G3BP2: variants seen among roughly 807,000 people sequenced by gnomAD.
G3BP2 encodes the protein ras GTPase-activating protein-binding protein 2.
A neutral mutation model predicts 56.7 loss-of-function variants in G3BP2; 11 were observed. The observed-to-expected ratio is 0.19, with a 90% CI of 0.12 to 0.32. The LOEUF (loss-of-function observed/expected upper bound fraction) is 0.32. Ranked by LOEUF, G3BP2 falls within the 10% of genes least tolerant of loss-of-function variation. The pLI is 1.00. For synonymous variants in G3BP2, 165 were observed against 191.6 expected (o/e 0.86, Z 1.15); for missense variants, 340 against 610.9 (o/e 0.56, Z 4.67).
At chr4:75,665,543 G>T (rs1374072516) in intron 1 of G3BP2, among the ~76,000 whole-genome samples, 3 of 151,934 alleles carry the variant, frequency 2.0e-5, no homozygotes, top group Non-Finnish European at 4.4e-5. Context: ...CTTAGGAGCT[G>T]AAGACCAGCC....
chr4:75,645,420 C>A lies in G3BP2; in HGVS notation c.*10G>T, dbSNP rs1731143869. 5 of 1,608,748 alleles carry A rather than the reference C, an allele frequency of 3.1e-6. No individual in the cohort carries two copies. The highest frequency in any genetic ancestry group is 3.4e-6 in the Non-Finnish European group (4 of 1,176,766). Reference sequence around the variant, plus strand: ...TGTACCACTGCCAAGACTTTGCCAACAGTGGAGCTTCAGCGACGCTGTCCT... The same window carrying A: ...TGTACCACTGCCAAGACTTTGCCAAAAGTGGAGCTTCAGCGACGCTGTCCT... On this transcript the variant is annotated 3_prime_UTR_variant, in exon 12 of 12. Transcript: ENST00000359707.
intron 1 of G3BP2, among the ~76,000 whole-genome samples, chr4:75,672,205 C>T (rs1409320968): frequency 1.3e-5 from 2 of 152,122 alleles, no homozygotes; most frequent in Non-Finnish European, 1.5e-5. Flanking sequence ...CTCCTCCCAC[C>T]CCCCAAATCC....
Position 75,672,904 on chromosome 4 carries a change from C to G in G3BP2, c.-25+304G>C, listed in dbSNP as rs546802438. On this transcript the variant is annotated intron_variant, in intron 1 of 11. Transcript: ENST00000359707. Reference sequence around the variant, plus strand: ...TCGGGAGCTGCTGCGTGCCTCCCCCCCCACTTCGCCACCTCATCCCCAATA... The same window carrying G: ...TCGGGAGCTGCTGCGTGCCTCCCCCGCCACTTCGCCACCTCATCCCCAATA... 3.4e-5 allele frequency: 22 copies of G among 649,392 alleles called. No individual in the cohort carries two copies. In the South Asian group the frequency reaches 6.1e-4, roughly 18 times the overall value. The allele number at this position is 649,392 out of a possible 1,614,324, so 40.2% of individuals were successfully genotyped here.
chr4:75,658,868 G>T lies in G3BP2; in HGVS notation c.152C>A (p.Pro51His). The T allele has an allele frequency of 6.2e-7, 1 of 1,612,124 alleles. No homozygotes were observed. The highest frequency in any genetic ancestry group is 8.5e-7 in the Non-Finnish European group (1 of 1,178,224). ...ATTTTGGCCATAAACAGCTTCCTGG[G>T]GCTTTCCACTAGCATCTACTCCACC... ...VHGGVDASGKPQEAVYGQNDI... is the reference protein window; with the variant it reads ...VHGGVDASGKHQEAVYGQNDI... Residue 51 changes from proline to histidine, a missense_variant, in exon 3 of 12, where the codon CCC (proline) becomes CAC (histidine). Physicochemically the swap from Pro to His is moderately conservative, Grantham distance 77 (BLOSUM62 -2). This residue lies in a region of G3BP2 where 21 missense variants were observed against 83.7 expected (regional missense o/e 0.25). Coordinates refer to ENST00000359707, the MANE Select transcript of G3BP2 (RefSeq NM_203505.3).
At chr4:75,687,847 T>C (rs572873900) in intron 3 of G3BP2, among the ~76,000 whole-genome samples, 16 of 152,344 alleles carry the variant, frequency 1.1e-4, no homozygotes, top group African/African-American at 3.6e-4. Flanking sequence ...TGGCCTGTCC[T>C]GTGGAACATG....
intron 1 of G3BP2, among the ~76,000 whole-genome samples, chr4:75,671,084 G>C (rs1245009674): frequency 1.3e-5 from 2 of 152,164 alleles, no homozygotes; most frequent in Non-Finnish European, 2.9e-5. Flanking sequence ...TATTGCTTCT[G>C]AAGGTAGGCC....
At position 75,659,768 on chromosome 4, in the gene G3BP2, A is replaced by G. The variant is rs190710086; in HGVS notation, c.96-844T>C. On this transcript the variant is annotated intron_variant, in intron 2 of 11. Transcript: ENST00000359707. ...GTTAAATTAACTCCCCTAAGGTAAT[A>G]TACCTATCAAGTGGGGCACCCAAGA... 4.6e-5 allele frequency among the ~76,000 whole-genome samples: 7 copies of G among 152,336 alleles called. No homozygotes were observed. In the East Asian group the frequency reaches 1.3e-3, roughly 29 times the overall value.
At chr4:75,687,998 C>G (rs1319849159) in intron 3 of G3BP2, among the ~76,000 whole-genome samples, 3 of 152,198 alleles carry the variant, frequency 2.0e-5, no homozygotes, top group Non-Finnish European at 4.4e-5. Flanking sequence ...GCCCAGCCTG[C>G]TGCCACTGGG....
rs1733652951 is a variant in G3BP2, at chr4:75,673,248, A to G, written c.-65T>C. On this transcript the variant is annotated 5_prime_UTR_variant, in exon 1 of 12. Transcript: ENST00000359707. ...GCGGCGGGTACGTCGCGCGGAGGTC[A>G]GAAGAGTCGCTGAGGACCGGGTGCG... 5 of 1,220,724 alleles carry G rather than the reference A, an allele frequency of 4.1e-6. No individual in the cohort carries two copies. Among genetic ancestry groups the G allele is most frequent in the East Asian group, 3.2e-5 (1 of 30,964 alleles). 75.6% of individuals were successfully genotyped at this position (1,220,724 alleles called of 1,614,324 possible).
At chr4:75,709,989 T>G (rs2149107572) in intron 3 of G3BP2, among the ~76,000 whole-genome samples, 2 of 152,270 alleles carry the variant, frequency 1.3e-5, no homozygotes, top group Middle Eastern at 6.8e-3. Context: ...TAGACTAAGG[T>G]CAGCTAATTC....
chr4:75,697,140 A>G (rs1404863710), intron 3 of G3BP2, among the ~76,000 whole-genome samples: 1 of 151,740 alleles, frequency 6.6e-6, no homozygotes, highest in Non-Finnish European at 1.5e-5. Context: ...TGGGCTGGGT[A>G]GCGCGTGCCT....
chr4:75,662,054 G>C lies in G3BP2; in HGVS notation c.-24-5C>G, dbSNP rs1732607999. The C allele has an allele frequency of 1.4e-6, 2 of 1,439,260 alleles. No homozygotes were observed. Among genetic ancestry groups the C allele is most frequent in the Non-Finnish European group, 1.9e-6 (2 of 1,029,990 alleles). The allele number at this position is 1,439,260 out of a possible 1,614,324, so 89.2% of individuals were successfully genotyped here. A position where few individuals can be genotyped will look rare whatever the true frequency, so the allele number is the denominator to read the frequency against. On this transcript the variant is annotated splice_region_variant and splice_polypyrimidine_tract_variant and intron_variant, in intron 1 of 11. Coordinates refer to ENST00000359707, the MANE Select transcript of G3BP2 (RefSeq NM_203505.3). ...TTTGCTGCACAATGTCAAATGCTGA[G>C]GGAGCAAACACAAGAATAACTATTA...
At chr4:75,660,693 C>A (rs947813920) in intron 2 of G3BP2, among the ~76,000 whole-genome samples, 2 of 152,114 alleles carry the variant, frequency 1.3e-5, no homozygotes, top group African/African-American at 4.8e-5. Context: ...ATTAAGATGA[C>A]CTACAGATAA....
intron 9 of G3BP2, among the ~76,000 whole-genome samples, chr4:75,647,561 C>T (rs1731324050): frequency 6.6e-6 from 1 of 152,260 alleles, no homozygotes; most frequent in South Asian, 2.1e-4. Context: ...TTACAGCAAT[C>T]AGTAAATTTT....
intron 3 of G3BP2, among the ~76,000 whole-genome samples, chr4:75,711,056 A>G (rs908060952): frequency 1.3e-5 from 2 of 152,136 alleles, no homozygotes; most frequent in Non-Finnish European, 2.9e-5. Context: ...GCAGTGGCTC[A>G]CGCCTGTAAT....
chr4:75,706,505 C>T (rs1397755670), intron 3 of G3BP2, among the ~76,000 whole-genome samples: 3 of 152,054 alleles, frequency 2.0e-5, no homozygotes, highest in Middle Eastern at 3.4e-3. Flanking sequence ...TGGAGAAACC[C>T]CATGTCTACT....
chr4:75,658,125 T>C (rs909759154), intron 3 of G3BP2, among the ~76,000 whole-genome samples: 5 of 152,228 alleles, frequency 3.3e-5, no homozygotes, highest in African/African-American at 1.2e-4. Flanking sequence ...ACACAAAGTC[T>C]TCCTTCCCTG....
At chr4:75,681,325 AAAATAAAT>A (rs58606796) in intron 3 of G3BP2, among the ~76,000 whole-genome samples, 1 of 149,888 alleles carries the variant, frequency 6.7e-6, no homozygotes. Flanking sequence ...CTCCGTCTCA[AAAATAAAT>A]AAATAAATAA....
chr4:75,660,943 A>T (rs1470010573), intron 2 of G3BP2, among the ~76,000 whole-genome samples: 1 of 152,226 alleles, frequency 6.6e-6, no homozygotes, highest in Admixed American at 6.5e-5. Context: ...TTCTTGTTAA[A>T]ACAGTAAATA....
Sources: allele counts gnomAD v4.1 joint callset (sites outside exome capture counted in the v4.1 genomes callset), GRCh38; gene constraint gnomAD v4.1.1; regional missense constraint gnomAD v4.1.1; transcripts MANE v1.5; gene names NCBI Gene and HGNC (gene_info 2026-07-23, HGNC 2026-07-21).